Variants in JMJD1C observed in about 807,000 individuals in gnomAD.
The protein encoded by JMJD1C is jumonji domain-containing protein 1C.
A neutral mutation model predicts 245.3 loss-of-function variants in JMJD1C; 31 were observed. The observed-to-expected ratio is 0.13, with a 90% confidence interval of 0.09 to 0.17. The LOEUF (loss-of-function observed/expected upper bound fraction) is 0.17, where lower values mean the gene tolerates loss of function less well. Among genes scored for constraint, JMJD1C ranks in the 10% least tolerant of loss-of-function variants. JMJD1C has a pLI of 1.00. For missense variants in JMJD1C, 2,691 were observed against 3,000.2 expected (o/e 0.90, Z 2.41); for synonymous variants, 1,057 against 1,017.4 (o/e 1.04, Z -0.74).
At chr10:63,318,990 C>G (rs1041012809) in intron 2 of JMJD1C, among the ~76,000 whole-genome samples, 23 of 151,990 alleles carry the variant, frequency 1.5e-4, no homozygotes, top group African/African-American at 5.6e-4. Context: ...AGGTTCTCTT[C>G]AAACCTTAAA....
At chr10:63,358,521 C>T (rs188251207) in intron 2 of JMJD1C, among the ~76,000 whole-genome samples, 29 of 151,346 alleles carry the variant, frequency 1.9e-4, no homozygotes, top group Admixed American at 5.9e-4. Flanking sequence ...CTCTTTAATA[C>T]GATATAATTA....
Position 63,264,673 on chromosome 10 carries a change from T to C in JMJD1C, c.425A>G (p.Asp142Gly), listed in dbSNP as rs1237520602. 1.3e-6 allele frequency: 2 copies of C among 1,559,898 alleles called. No homozygotes were observed. The highest frequency in any genetic ancestry group is 1.2e-5 in the South Asian group (1 of 86,468). ...TACCTGGTAGGGCTGAAAGGCACTA[T>C]CTTCAGTTAAAAAATCCAGTTGCTT... is the stretch of plus-strand genomic sequence containing the variant. ...VDKQLDFLTE[D>G]SAFQPYQDDI... is the part of the protein sequence containing the mutation. The change falls in exon 3 of 26, where the codon GAT (aspartate) becomes GGT (glycine). Residue 142 changes from aspartate (D) to glycine (G), a missense_variant. By Grantham distance (94) the Asp-to-Gly change is moderately conservative. This residue lies in a region of JMJD1C where 172 missense variants were observed against 240.8 expected (regional missense o/e 0.71). Coordinates refer to ENST00000399262, the MANE Select transcript of JMJD1C (RefSeq NM_032776.3).
At chr10:63,407,104 G>A (rs991607913) in intron 1 of JMJD1C, among the ~76,000 whole-genome samples, 14 of 152,144 alleles carry the variant, frequency 9.2e-5, no homozygotes, top group South Asian at 2.1e-4. Context: ...AATTGAGTAG[G>A]GGTAAAGTAG....
At chr10:63,423,158 T>C (rs1036370900) in intron 1 of JMJD1C, among the ~76,000 whole-genome samples, 1 of 152,068 alleles carries the variant, frequency 6.6e-6, no homozygotes, top group Non-Finnish European at 1.5e-5. Context: ...AGAAACGGGG[T>C]TTCACCATGT....
At chr10:63,506,553 A>C (rs994001479) in intron 1 of JMJD1C, among the ~76,000 whole-genome samples, 2 of 152,146 alleles carry the variant, frequency 1.3e-5, no homozygotes, top group Non-Finnish European at 2.9e-5. Context: ...TGCTTTTGTA[A>C]ACTTTCTGCA....
At chr10:63,402,621 A>G (rs1346130918) in intron 1 of JMJD1C, among the ~76,000 whole-genome samples, 1 of 152,198 alleles carries the variant, frequency 6.6e-6, no homozygotes, top group Non-Finnish European at 1.5e-5. Context: ...ACTAAAGTAT[A>G]AAATAGCCTC....
chr10:63,229,414 T>TA (rs1262265846), intron 3 of JMJD1C, among the ~76,000 whole-genome samples: 34 of 150,744 alleles, frequency 2.3e-4, no homozygotes, highest in East Asian at 1.4e-3. Flanking sequence ...AGCAGCAGTT[T>TA]AAAAAAAAAC....
At position 63,471,303 on chromosome 10, in the gene JMJD1C, G is replaced by T. The variant is rs186147109; in HGVS notation, n.113+50435C>A. Reference sequence around the variant, plus strand: ...AAACTATAAATGAAGGAAAGCCAATGTAAAATCTAAACTAAAAAGTAATAC... The same window carrying T: ...AAACTATAAATGAAGGAAAGCCAATTTAAAATCTAAACTAAAAAGTAATAC... On this transcript the variant is annotated intron_variant and non_coding_transcript_variant, in intron 1 of 3. Coordinates refer to the JMJD1C transcript ENST00000633035. Among the ~76,000 whole-genome samples, 22 of 152,290 alleles carry T rather than the reference G, an allele frequency of 1.4e-4. No homozygotes were observed. In the East Asian group the frequency reaches 4.2e-3, roughly 29 times the overall value.
Position 63,281,381 on chromosome 10 carries a change from G to C in JMJD1C, c.334-16617C>G, listed in dbSNP as rs370464277. On this transcript the variant is annotated intron_variant, in intron 2 of 25. Transcript: ENST00000399262. The stretch of plus-strand genomic sequence containing the variant: ...TCACCATGTCGGCCAGACTGGTTTT[G>C]AACTCCTGACCTTGTGATCTGCCCG... Among the ~76,000 whole-genome samples the C allele has an allele frequency of 3.0e-3, 396 of 132,198 alleles. 3 individuals carry two copies. The highest frequency in any genetic ancestry group is 0.011 in the African/African-American group (384 of 35,342). 86.7% of individuals were successfully genotyped at this position (132,198 alleles called of 152,430 possible).
In JMJD1C at chr10:63,316,691, G is replaced by A. The variant is rs186853951; in HGVS notation, c.334-51927C>T. On this transcript the variant is annotated intron_variant, in intron 2 of 25. Coordinates refer to ENST00000399262, the MANE Select transcript of JMJD1C (RefSeq NM_032776.3). ...TTGAACTCCTGACCTCAGGTGATCC[G>A]CCCACCTCGGCCTCCCAAAGTGCTG... Among the ~76,000 whole-genome samples, 962 of 152,026 alleles carry A rather than the reference G, an allele frequency of 6.3e-3. 7 individuals are homozygous for A. Among genetic ancestry groups the A allele is most frequent in the South Asian group, 0.022 (106 of 4,810 alleles).
At chr10:63,332,454 A>G (rs1354246555) in intron 2 of JMJD1C, among the ~76,000 whole-genome samples, 1 of 152,236 alleles carries the variant, frequency 6.6e-6, no homozygotes, top group Admixed American at 6.5e-5. Flanking sequence ...CTGGATCCTT[A>G]TAATAATGGA....
intron 2 of JMJD1C, among the ~76,000 whole-genome samples, chr10:63,348,399 T>C (rs1310373239): frequency 6.6e-6 from 1 of 152,080 alleles, no homozygotes; most frequent in Non-Finnish European, 1.5e-5. Flanking sequence ...ACACCATGAC[T>C]AACAAGAAAG....
intron 2 of JMJD1C, among the ~76,000 whole-genome samples, chr10:63,323,823 T>C (rs12248917): frequency 0.029 from 4,458 of 152,126 alleles, 230 homozygotes; most frequent in African/African-American, 0.1. Context: ...TGTTTGCATA[T>C]GTGTGTGTGT....
At chr10:63,246,283 C>T (rs1258022075) in intron 3 of JMJD1C, among the ~76,000 whole-genome samples, 1 of 151,976 alleles carries the variant, frequency 6.6e-6, no homozygotes, top group African/African-American at 2.4e-5. Context: ...TAATCAGACT[C>T]TCAAAAGGTC....
intron 2 of JMJD1C, among the ~76,000 whole-genome samples, chr10:63,323,585 T>C (rs1244787909): frequency 2.0e-5 from 3 of 152,084 alleles, no homozygotes; most frequent in South Asian, 4.1e-4. Flanking sequence ...AACAATGTTA[T>C]CCATTCAAAA....
chr10:63,177,337 T>C (rs1181811044), intron 23 of JMJD1C: 1 of 235,272 alleles, frequency 4.3e-6, no homozygotes. Context: ...AAAATATCTA[T>C]CAGATTCAAA....
intron 1 of JMJD1C, among the ~76,000 whole-genome samples, chr10:63,395,840 T>C (rs1948448785): frequency 6.6e-6 from 1 of 152,080 alleles, no homozygotes; most frequent in South Asian, 2.1e-4. Flanking sequence ...GAAGCCTGAC[T>C]CAACTCTATA....
chr10:63,410,169 T>C (rs926607970), intron 1 of JMJD1C, among the ~76,000 whole-genome samples: 1 of 152,146 alleles, frequency 6.6e-6, no homozygotes, highest in Non-Finnish European at 1.5e-5. Flanking sequence ...CTTTAAAATA[T>C]TGTAACCATT....
intron 2 of JMJD1C, among the ~76,000 whole-genome samples, chr10:63,354,062 A>T (rs1944595573): frequency 6.6e-6 from 1 of 151,804 alleles, no homozygotes; most frequent in Non-Finnish European, 1.5e-5. Context: ...GATGGTCTTG[A>T]TCTGTTGACT....
Sources: allele counts gnomAD v4.1 joint callset (sites outside exome capture counted in the v4.1 genomes callset), GRCh38; gene constraint gnomAD v4.1.1; regional missense constraint gnomAD v4.1.1; transcripts MANE v1.5; gene names NCBI Gene and HGNC (gene_info 2026-07-23, HGNC 2026-07-21).